Variants in DGKI observed in about 807,000 individuals in gnomAD.
DGKI encodes the protein DAG kinase iota.
A neutral mutation model predicts 147.5 loss-of-function variants in DGKI; 55 were observed. The ratio of observed to expected loss-of-function variants is 0.37; its 90% CI spans 0.30 to 0.47. The LOEUF (loss-of-function observed/expected upper bound fraction) is 0.47. Ranked by LOEUF, DGKI falls within the 20% of genes least tolerant of loss-of-function variation. The pLI is 1.00. For synonymous variants in DGKI, 469 were observed against 477.1 expected (o/e 0.98, Z 0.22); for missense variants, 1,007 against 1,323.8 (o/e 0.76, Z 3.71).
At chr7:137,409,571 C>G (rs530664149) in intron 29 of DGKI, among the ~76,000 whole-genome samples, 44 of 152,254 alleles carry the variant, frequency 2.9e-4, no homozygotes, top group Non-Finnish European at 3.1e-4. Context: ...AACTGGGGGG[C>G]AAGAGGGCAG....
Position 137,384,977 on chromosome 7 carries a change from T to A in DGKI, c.*6243A>T, listed in dbSNP as rs1433590832. 1 of 152,116 alleles carries A rather than the reference T, an allele frequency of 6.6e-6. No individual in the cohort carries two copies. Among genetic ancestry groups the A allele is most frequent in the African/African-American group, 2.4e-5 (1 of 41,442 alleles). 9.4% of individuals were successfully genotyped at this position (152,116 alleles called of 1,614,324 possible). ...GTGGCAGAAGCCAAAGAGTTTTCCATGATTGCCTTTCATGTACATTTACTT... is the reference window on the plus strand; with the variant it reads ...GTGGCAGAAGCCAAAGAGTTTTCCAAGATTGCCTTTCATGTACATTTACTT... On this transcript the variant is annotated 3_prime_UTR_variant, in exon 33 of 33. Transcript: ENST00000614521.
chr7:137,536,396 A>T (rs1817521668), intron 20 of DGKI, among the ~76,000 whole-genome samples: 2 of 152,084 alleles, frequency 1.3e-5, no homozygotes, highest in African/African-American at 4.8e-5. Flanking sequence ...GTAAAAATCC[A>T]CTTTGGTTCT....
intron 19 of DGKI, among the ~76,000 whole-genome samples, chr7:137,553,107 C>A (rs1462623360): frequency 6.6e-6 from 1 of 152,182 alleles, no homozygotes; most frequent in African/African-American, 2.4e-5. Context: ...TTAACTATCA[C>A]TTTTTGCTCT....
Position 137,657,071 on chromosome 7 carries a change from G to C in DGKI, c.607-531C>G, listed in dbSNP as rs1256849824. Among the ~76,000 whole-genome samples the C allele has an allele frequency of 2.6e-5, 4 of 152,202 alleles. No individual in the cohort carries two copies. In the East Asian group the frequency reaches 7.7e-4, roughly 29 times the overall value. On this transcript the variant is annotated intron_variant, in intron 3 of 32. Transcript: ENST00000614521. ...GCATGAGTCTAGACTAAGTTACTTC[G>C]GTTTCTGCCCAAATCTTCCAGAAGT... is the stretch of plus-strand genomic sequence containing the variant.
chr7:137,425,669 T>C (rs1585102314), intron 28 of DGKI, among the ~76,000 whole-genome samples: 1 of 152,068 alleles, frequency 6.6e-6, no homozygotes, highest in East Asian at 1.9e-4. Flanking sequence ...TAGAAGAATG[T>C]ATAACTAGAA....
In DGKI at chr7:137,466,087, T is replaced by C. The variant is rs750992404; in HGVS notation, c.2485-52A>G. On this transcript the variant is annotated intron_variant, in intron 25 of 32. Transcript: ENST00000614521. ...ATGAAGAATAACAAAACAAGTATTC[T>C]TGGTCTCGAGGAATAATGAAATTCT... 15 of 1,598,510 alleles carry C rather than the reference T, an allele frequency of 9.4e-6. No homozygotes were observed. In the East Asian group the frequency reaches 1.6e-4, roughly 17 times the overall value.
Position 137,524,885 on chromosome 7 carries a change from G to C in DGKI, c.2148-2919C>G, listed in dbSNP as rs115670784. Among the ~76,000 whole-genome samples, 1,228 of 152,240 alleles carry C rather than the reference G, an allele frequency of 8.1e-3. 22 individuals carry two copies. The highest frequency in any genetic ancestry group is 0.028 in the African/African-American group (1,159 of 41,558). ...GGGAAATGAGATTTGGAGAATGACT[G>C]CTGACCAGTTCCTGGACTCCCCTTC... On this transcript the variant is annotated intron_variant, in intron 20 of 32. Coordinates refer to ENST00000614521, the MANE Select transcript of DGKI (RefSeq NM_001321708.2).
intron 28 of DGKI, among the ~76,000 whole-genome samples, chr7:137,424,747 G>A (rs1238823365): frequency 6.6e-6 from 1 of 152,180 alleles, no homozygotes; most frequent in Non-Finnish European, 1.5e-5. Context: ...TCTCGCACCT[G>A]GATTGGAGGG....
At chr7:137,630,345 A>G (rs1821086003) in intron 6 of DGKI, among the ~76,000 whole-genome samples, 1 of 152,174 alleles carries the variant, frequency 6.6e-6, no homozygotes, top group African/African-American at 2.4e-5. Flanking sequence ...ACAATATATT[A>G]TTAATCAAAG....
At chr7:137,498,733 C>CT (rs1816060471) in intron 21 of DGKI, among the ~76,000 whole-genome samples, 2 of 152,146 alleles carry the variant, frequency 1.3e-5, no homozygotes, top group African/African-American at 4.8e-5. Flanking sequence ...ACTGGGTTAT[C>CT]TGCCCCAATA....
intron 26 of DGKI, 53 bp downstream of exon 26, chr7:137,465,855 G>A: frequency 6.3e-7 from 1 of 1,582,996 alleles, no homozygotes; most frequent in Non-Finnish European, 8.6e-7. Context: ...AGGCGAACCA[G>A]ACATGGATGT....
At position 137,382,549 on chromosome 7, in the gene DGKI, A is replaced by G; in HGVS notation, c.*8671T>C. ...TGCATAAACTGAAATTTTCACAACT[A>G]ATACCCCTTGAAGCCACTTTGAACA... On this transcript the variant is annotated 3_prime_UTR_variant, in exon 33 of 33. Transcript: ENST00000614521. 6.6e-6 allele frequency: 1 copy of G among 152,064 alleles called. No homozygotes were observed. The highest frequency in any genetic ancestry group is 2.1e-4 in the South Asian group (1 of 4,830). The allele number at this position is 152,064 out of a possible 1,614,324, so 9.4% of individuals were successfully genotyped here.
intron 10 of DGKI, among the ~76,000 whole-genome samples, chr7:137,603,571 A>T (rs554272169): frequency 1.3e-5 from 2 of 152,366 alleles, no homozygotes; most frequent in African/African-American, 4.8e-5. Context: ...AAGGAGAGCA[A>T]TACAAAATAA....
At chr7:137,720,553 C>T (rs547488018) in intron 1 of DGKI, among the ~76,000 whole-genome samples, 31 of 152,114 alleles carry the variant, frequency 2.0e-4, no homozygotes, top group African/African-American at 4.3e-4. Flanking sequence ...CCACCGCGCC[C>T]GGCCGAAAAA....
At chr7:137,794,442 A>G (rs988266769) in intron 1 of DGKI, among the ~76,000 whole-genome samples, 1 of 152,270 alleles carries the variant, frequency 6.6e-6, no homozygotes, top group African/African-American at 2.4e-5. Context: ...AGATGAAGCT[A>G]GCAAATTGCA....
intron 6 of DGKI, among the ~76,000 whole-genome samples, chr7:137,626,721 G>C (rs1409694931): frequency 6.6e-6 from 1 of 152,164 alleles, no homozygotes; most frequent in East Asian, 1.9e-4. Flanking sequence ...TGAGACCCGA[G>C]TGCCTCTGTC....
intron 1 of DGKI, among the ~76,000 whole-genome samples, chr7:137,820,424 C>T (rs1034799516): frequency 6.6e-6 from 1 of 152,228 alleles, no homozygotes; most frequent in Non-Finnish European, 1.5e-5. Context: ...GGCAGAGACC[C>T]TTGCAGATGA....
chr7:137,470,615 T>G (rs80310563), intron 23 of DGKI, among the ~76,000 whole-genome samples: 1,865 of 152,280 alleles, frequency 0.012, 38 homozygotes, highest in African/African-American at 0.043. Flanking sequence ...TCTTCCAGGC[T>G]GGAGTGCAGT....
At chr7:137,625,240 G>A (rs1017017112) in intron 6 of DGKI, among the ~76,000 whole-genome samples, 24 of 151,776 alleles carry the variant, frequency 1.6e-4, no homozygotes, top group East Asian at 5.9e-4. Flanking sequence ...CAGGCAGATT[G>A]CCTGAGGTCA....
Sources: allele counts gnomAD v4.1 joint callset (sites outside exome capture counted in the v4.1 genomes callset), GRCh38; gene constraint gnomAD v4.1.1; transcripts MANE v1.5; gene names NCBI Gene and HGNC (gene_info 2026-07-23, HGNC 2026-07-21).